TNPO1: variants seen among roughly 807,000 people sequenced by gnomAD.
TNPO1 encodes the protein transportin-1.
A neutral mutation model predicts 119.5 loss-of-function variants in TNPO1; 8 were observed. The ratio of observed to expected loss-of-function variants is 0.07; its 90% CI spans 0.04 to 0.12. The LOEUF is 0.12. Among genes scored for constraint, TNPO1 ranks in the 10% least tolerant of loss-of-function variants. TNPO1 has a pLI of 1.00. For synonymous variants in TNPO1, 362 were observed against 363.0 expected, an observed-to-expected ratio of 1.00 and a Z score of 0.03; for missense variants, 576 against 1,089.8, an observed-to-expected ratio of 0.53 and a Z score of 6.64.
chr5:72,854,134 C>T (rs773589919), intron 3 of TNPO1, among the ~76,000 whole-genome samples: 3 of 152,028 alleles, frequency 2.0e-5, no homozygotes, highest in Non-Finnish European at 4.4e-5. Context: ...TAATTTAAGG[C>T]AAGTTTATTG....
intron 18 of TNPO1, among the ~76,000 whole-genome samples, chr5:72,896,076 G>A (rs1291035514): frequency 6.6e-6 from 1 of 151,878 alleles, no homozygotes; most frequent in Non-Finnish European, 1.5e-5. Context: ...GCACAAGAGT[G>A]AAAATTGCTT....
intron 14 of TNPO1, among the ~76,000 whole-genome samples, chr5:72,890,650 G>C (rs1393074508): frequency 6.6e-6 from 1 of 152,026 alleles, no homozygotes; most frequent in Non-Finnish European, 1.5e-5. Context: ...GCTTTTGTGG[G>C]GGTTTGTTTT....
At position 72,909,156 on chromosome 5, in the gene TNPO1, A is replaced by G. The variant is rs1750385168; in HGVS notation, c.*483A>G. 1 of 155,018 alleles carries G rather than the reference A, an allele frequency of 6.5e-6. No homozygotes were observed. Among genetic ancestry groups the G allele is most frequent in the African/African-American group, 2.4e-5 (1 of 41,296 alleles). 9.6% of individuals were successfully genotyped at this position (155,018 alleles called of 1,614,324 possible). On this transcript the variant is annotated 3_prime_UTR_variant, in exon 25 of 25. Coordinates refer to ENST00000337273, the MANE Select transcript of TNPO1 (RefSeq NM_002270.4). ...TTTTTAATTTAAAGTTTTTTTATGT[A>G]AGTTTTCCCACATGATGGGGCCTTG...
intron 19 of TNPO1, 150 bp downstream of exon 19, chr5:72,896,706 C>T (rs988841580): frequency 4.1e-5 from 23 of 566,876 alleles, no homozygotes; most frequent in Middle Eastern, 5.1e-4. Context: ...CCCGTCTCTA[C>T]TAAAAATACA....
At chr5:72,844,459 A>T (rs1745041532) in intron 1 of TNPO1, among the ~76,000 whole-genome samples, 2 of 152,240 alleles carry the variant, frequency 1.3e-5, no homozygotes, top group African/African-American at 2.4e-5. Context: ...AGGTGCAGGA[A>T]AAGATGATGG....
chr5:72,826,454 G>A (rs1744209244), intron 1 of TNPO1, among the ~76,000 whole-genome samples: 1 of 152,102 alleles, frequency 6.6e-6, no homozygotes, highest in Non-Finnish European at 1.5e-5. Context: ...TTTACACTAT[G>A]TATTTTATTC....
chr5:72,897,038 T>C lies in TNPO1; in HGVS notation c.2243-18T>C. 3.3e-6 allele frequency: 5 copies of C among 1,523,788 alleles called. No individual in the cohort carries two copies. The highest frequency in any genetic ancestry group is 4.4e-6 in the Non-Finnish European group (5 of 1,138,138). 94.4% of individuals were successfully genotyped at this position (1,523,788 alleles called of 1,614,324 possible). A position where few individuals can be genotyped will look rare whatever the true frequency, so the allele number is the denominator to read the frequency against. On this transcript the variant is annotated intron_variant, in intron 19 of 24. Coordinates refer to ENST00000337273, the MANE Select transcript of TNPO1 (RefSeq NM_002270.4). ...AATTTTTTCTTTTTTGTTTTTTTCTTTTTGGGATGATCTCTAGGTATAGAG... is the reference window on the plus strand; with the variant it reads ...AATTTTTTCTTTTTTGTTTTTTTCTCTTTGGGATGATCTCTAGGTATAGAG...
chr5:72,903,834 G>A (rs1231070366), intron 23 of TNPO1, 51 bp downstream of exon 23: 2 of 1,229,610 alleles, frequency 1.6e-6, no homozygotes, highest in African/African-American at 3.1e-5. Context: ...TAATATCCTA[G>A]TGGAAAACTT....
chr5:72,888,034 G>T (rs1396223237), intron 12 of TNPO1, 44 bp from the exon 13 acceptor site: 5 of 1,570,446 alleles, frequency 3.2e-6, no homozygotes, highest in Non-Finnish European at 4.4e-6. Flanking sequence ...CCAAAATAAT[G>T]TTAACTAAAT....
intron 9 of TNPO1, among the ~76,000 whole-genome samples, chr5:72,877,943 T>C (rs970430723): frequency 1.3e-5 from 2 of 152,206 alleles, no homozygotes; most frequent in Non-Finnish European, 2.9e-5. Context: ...GATTTAATAA[T>C]ATATAATACA....
chr5:72,836,796 A>G (rs187153926), intron 1 of TNPO1, among the ~76,000 whole-genome samples: 34 of 152,286 alleles, frequency 2.2e-4, no homozygotes, highest in African/African-American at 7.9e-4. Context: ...CAAATATCCT[A>G]TTTCATCACT....
Position 72,832,844 on chromosome 5 carries a change from T to C in TNPO1, c.16-15541T>C, listed in dbSNP as rs1744535473. Among the ~76,000 whole-genome samples, 3 of 152,178 alleles carry C rather than the reference T, an allele frequency of 2.0e-5. 1 individual carries two copies. In the South Asian group the frequency reaches 6.2e-4, roughly 32 times the overall value. On this transcript the variant is annotated intron_variant, in intron 1 of 24. Transcript: ENST00000337273. ...GTCCGTAAAGAGGTGTACACCTGAATTGGCAGATGACTTTATTCTGGGTTT... is the reference window on the plus strand; with the variant it reads ...GTCCGTAAAGAGGTGTACACCTGAACTGGCAGATGACTTTATTCTGGGTTT...
In TNPO1 at chr5:72,903,770, A is replaced by G; in HGVS notation, c.2576A>G (p.Asp859Gly). 1 of 1,606,900 alleles carries G rather than the reference A, an allele frequency of 6.2e-7. No individual in the cohort carries two copies. Among genetic ancestry groups the G allele is most frequent in the Non-Finnish European group, 8.5e-7 (1 of 1,175,732 alleles). The change falls in exon 23 of 25, where the codon GAC becomes GGC. Residue 859 changes from aspartate (D) to glycine (G), a missense_variant. By Grantham distance (94) the Asp-to-Gly change is moderately conservative. Coordinates refer to ENST00000337273, the MANE Select transcript of TNPO1 (RefSeq NM_002270.4). ...SWINPKDDLR[D>G]MFCKILHGFK... ...ATTAACCCAAAAGATGATCTCAGAG[A>G]CATGTTCTGTAAGGTAACTAATAAG...
At chr5:72,906,284 T>C (rs67935031) in intron 24 of TNPO1, among the ~76,000 whole-genome samples, 28 of 62,878 alleles carry the variant, frequency 4.5e-4, no homozygotes, top group African/African-American at 1.4e-3. Context: ...TCTTTTTTTT[T>C]TTTTTTTTTT....
At chr5:72,896,918 T>C in intron 19 of TNPO1, 138 bp from the exon 20 acceptor site, 1 of 466,934 alleles carries the variant, frequency 2.1e-6, no homozygotes. Context: ...ATTTTTGTAA[T>C]TGCTTTAATT....
At chr5:72,847,965 C>A in intron 1 of TNPO1, 1 of 700,496 alleles carries the variant, frequency 1.4e-6, no homozygotes, top group Non-Finnish European at 1.8e-6. Context: ...AGGTGTTTCG[C>A]AGGGGTTTTG....
intron 14 of TNPO1, among the ~76,000 whole-genome samples, chr5:72,890,941 C>T (rs62363388): frequency 0.14 from 20,855 of 151,884 alleles, 1,647 homozygotes; most frequent in East Asian, 0.35. Context: ...GCAACCTCCA[C>T]CTCCCGGGCT....
rs1376527710 is a variant in TNPO1 at position 72,913,784 on chromosome 5, T to G, written c.*5111T>G. Reference sequence around the variant, plus strand: ...ACTGTACTTTCCGCATATTACTGTGTTGTTGTTTTCCTTTGTGGATATATA... The same window carrying G: ...ACTGTACTTTCCGCATATTACTGTGGTGTTGTTTTCCTTTGTGGATATATA... On this transcript the variant is annotated 3_prime_UTR_variant, in exon 25 of 25. Coordinates refer to ENST00000337273, the MANE Select transcript of TNPO1 (RefSeq NM_002270.4). 3 of 152,588 alleles carry G rather than the reference T, an allele frequency of 2.0e-5. No individual in the cohort carries two copies. The highest frequency in any genetic ancestry group is 7.2e-5 in the African/African-American group (3 of 41,458). The allele number at this position is 152,588 out of a possible 1,614,324, so 9.5% of individuals were successfully genotyped here.
Position 72,846,667 on chromosome 5 carries a change from G to T in TNPO1, c.16-1718G>T, listed in dbSNP as rs115991162. On this transcript the variant is annotated intron_variant, in intron 1 of 24. Transcript: ENST00000337273. ...TATACTGGGGATTACTTTAGGAAGG[G>T]TTGATGGCTGGGATTGGACACAAAA... Among the ~76,000 whole-genome samples the T allele has an allele frequency of 4.9e-3, 740 of 152,238 alleles. 7 individuals carry two copies. The highest frequency in any genetic ancestry group is 0.017 in the African/African-American group (718 of 41,540).
Sources: gnomAD v4.1 joint callset for allele counts (sites outside exome capture counted in the v4.1 genomes callset) on GRCh38, gnomAD v4.1.1 for gene constraint, MANE v1.5 for transcripts, NCBI Gene and HGNC (gene_info 2026-07-23, HGNC 2026-07-21) for gene names.